The following LEKR1 variants were observed in gnomAD, a reference collection of about 807,000 sequenced individuals.
LEKR1 encodes leucine, glutamate and lysine rich 1, also known as protein LEKR1.
Under a neutral mutation model 72.4 loss-of-function variants are expected in LEKR1, and 59 were observed. The observed-to-expected ratio is 0.82, with a 90% CI of 0.66 to 1.01. The LOEUF (loss-of-function observed/expected upper bound fraction) is 1.01. LEKR1 is among the 50% of genes least tolerant of loss of function. LEKR1 has a pLI of 0.00. For missense variants in LEKR1, 728 were observed against 759.2 expected, an observed-to-expected ratio of 0.96 and a Z score of 0.48; for synonymous variants, 257 against 263.2, an observed-to-expected ratio of 0.98 and a Z score of 0.23.
At chr3:156,891,507 T>C (rs1241243600) in intron 3 of LEKR1, among the ~76,000 whole-genome samples, 1 of 152,192 alleles carries the variant, frequency 6.6e-6, no homozygotes, top group Non-Finnish European at 1.5e-5. Flanking sequence ...TTTTATGATA[T>C]GCAATGGAAG....
At chr3:156,828,258 T>C (rs1427540713) in intron 1 of LEKR1, among the ~76,000 whole-genome samples, 1 of 152,232 alleles carries the variant, frequency 6.6e-6, no homozygotes, top group Admixed American at 6.5e-5. Context: ...ATAATGCCAC[T>C]ATAGGACTTT....
In LEKR1 at chr3:156,920,605, TCAA is replaced by T; in HGVS notation, c.298_300del (p.Gln100del). ...ACGATGTAGGCATGCAGTTAAAAAG[TCAA>T]CAAAATGAATTTCAGAAAGTAAAGA... On this transcript the variant is annotated inframe_deletion, in exon 4 of 13. Coordinates refer to ENST00000356539, the MANE Select transcript of LEKR1 (RefSeq NM_001004316.3). 1 of 1,471,560 alleles carries T rather than the reference TCAA, an allele frequency of 6.8e-7. No individual in the cohort carries two copies. Among genetic ancestry groups the T allele is most frequent in the Non-Finnish European group, 9.1e-7 (1 of 1,095,248 alleles). The allele number at this position is 1,471,560 out of a possible 1,614,324, so 91.2% of individuals were successfully genotyped here. A position where few individuals can be genotyped will look rare whatever the true frequency, so the allele number is the denominator to read the frequency against.
rs751584202 is a variant in LEKR1, at chr3:157,035,075, T to TA, written c.1668+6674dup. Among the ~76,000 whole-genome samples, 17 of 152,376 alleles carry TA rather than the reference T, an allele frequency of 1.1e-4. No individual in the cohort carries two copies. In the East Asian group the frequency reaches 2.9e-3, roughly 26 times the overall value. On this transcript the variant is annotated intron_variant, in intron 12 of 12. Coordinates refer to ENST00000356539, the MANE Select transcript of LEKR1 (RefSeq NM_001004316.3). The stretch of plus-strand genomic sequence containing the variant: ...GGCTCAGATGATTGATAGCATTTTT[T>TA]AGCAGTAAAATATCTTTAAATTAAG...
chr3:156,875,259 G>T (rs985802793), intron 3 of LEKR1, among the ~76,000 whole-genome samples: 3 of 152,064 alleles, frequency 2.0e-5, no homozygotes, highest in African/African-American at 7.2e-5. Context: ...TTGTGATTTT[G>T]TGTTTCCCTG....
chr3:156,852,729 A>C, intron 2 of LEKR1, 39 bp from the exon 3 acceptor site: 4 of 1,098,560 alleles, frequency 3.6e-6, no homozygotes, highest in Non-Finnish European at 3.7e-6. Flanking sequence ...GTTTTTTCAG[A>C]ATTAAAAAAA....
At chr3:156,871,575 A>T (rs538291331) in intron 3 of LEKR1, among the ~76,000 whole-genome samples, 1 of 152,308 alleles carries the variant, frequency 6.6e-6, no homozygotes, top group East Asian at 1.9e-4. Flanking sequence ...TCCCACCAAC[A>T]GTGTAAAAGT....
At chr3:156,932,439 G>A (rs1408098004) in intron 5 of LEKR1, among the ~76,000 whole-genome samples, 2 of 152,084 alleles carry the variant, frequency 1.3e-5, no homozygotes, top group Non-Finnish European at 2.9e-5. Context: ...ATCTATATTA[G>A]GCCATGTGTG....
chr3:156,864,566 G>A (rs1234878756), intron 3 of LEKR1, among the ~76,000 whole-genome samples: 1 of 151,810 alleles, frequency 6.6e-6, no homozygotes, highest in African/African-American at 2.4e-5. Context: ...TAAATTACCT[G>A]GACTTACTGC....
At chr3:157,027,406 G>A (rs1011428108) in intron 11 of LEKR1, among the ~76,000 whole-genome samples, 2 of 152,254 alleles carry the variant, frequency 1.3e-5, no homozygotes, top group East Asian at 1.9e-4. Flanking sequence ...TATTGGTACA[G>A]TTAGGGTAAA....
intron 7 of LEKR1, among the ~76,000 whole-genome samples, chr3:156,981,806 A>C (rs1730230606): frequency 6.6e-6 from 1 of 152,230 alleles, no homozygotes; most frequent in Non-Finnish European, 1.5e-5. Context: ...TCATTCAAAA[A>C]ATTTGATATA....
At chr3:156,914,796 C>A (rs75628901) in intron 3 of LEKR1, among the ~76,000 whole-genome samples, 1 of 151,876 alleles carries the variant, frequency 6.6e-6, no homozygotes, top group African/African-American at 2.4e-5. Context: ...TTTAAAATTA[C>A]GCTTTTATTT....
At chr3:156,869,927 A>C (rs1717732394) in intron 3 of LEKR1, among the ~76,000 whole-genome samples, 1 of 151,958 alleles carries the variant, frequency 6.6e-6, no homozygotes, top group South Asian at 2.1e-4. Flanking sequence ...GGATGTGGAT[A>C]CCCAATTTTC....
intron 6 of LEKR1, among the ~76,000 whole-genome samples, chr3:156,968,065 A>C (rs556084298): frequency 0.032 from 4,818 of 152,246 alleles, 117 homozygotes; most frequent in Non-Finnish European, 0.047. Flanking sequence ...CTTTACAGAC[A>C]AGCAAATGCT....
At chr3:156,957,284 G>A (rs1361672985) in intron 6 of LEKR1, among the ~76,000 whole-genome samples, 1 of 151,940 alleles carries the variant, frequency 6.6e-6, no homozygotes, top group Non-Finnish European at 1.5e-5. Context: ...ATGTTACAGT[G>A]TAAAAAGAAT....
chr3:157,024,196 A>C (rs1734038417), intron 10 of LEKR1, among the ~76,000 whole-genome samples: 1 of 152,146 alleles, frequency 6.6e-6, no homozygotes, highest in African/African-American at 2.4e-5. Context: ...AAAATCGAAA[A>C]ATCATAAGTC....
rs1358283030 is a variant in LEKR1, at chr3:157,028,110, A to G, written c.1376A>G (p.Asp459Gly). ...ATGAGATTTATCTTACAGATATCTGACTTAATCACAGGCGCTACAAGAGAT... is the reference window on the plus strand; with the variant it reads ...ATGAGATTTATCTTACAGATATCTGGCTTAATCACAGGCGCTACAAGAGAT... The part of the protein sequence containing the change: ...EQEELQMKIS[D>G]LITGATRDLR... Residue 459 changes from aspartate to glycine, a missense_variant, in exon 12 of 13, where the codon GAC becomes GGC. Physicochemically the swap from Asp to Gly is moderately conservative, Grantham distance 94. Coordinates refer to ENST00000356539, the MANE Select transcript of LEKR1 (RefSeq NM_001004316.3). 6.4e-7 allele frequency: 1 copy of G among 1,570,006 alleles called. No individual in the cohort carries two copies. Among genetic ancestry groups the G allele is most frequent in the Admixed American group, 1.9e-5 (1 of 52,642 alleles).
chr3:156,832,745 G>T (rs979592368), intron 2 of LEKR1, among the ~76,000 whole-genome samples: 3 of 152,070 alleles, frequency 2.0e-5, no homozygotes, highest in African/African-American at 7.2e-5. Flanking sequence ...TTTACTACGG[G>T]TTAGGAGCCC....
At chr3:156,839,207 G>A (rs1241469491) in intron 2 of LEKR1, among the ~76,000 whole-genome samples, 1 of 152,186 alleles carries the variant, frequency 6.6e-6, no homozygotes, top group Non-Finnish European at 1.5e-5. Flanking sequence ...TCAGGTGTTA[G>A]TCTTTTGGTT....
chr3:157,021,292 C>A (rs1164371424), intron 10 of LEKR1, among the ~76,000 whole-genome samples: 1 of 151,750 alleles, frequency 6.6e-6, no homozygotes, highest in Non-Finnish European at 1.5e-5. Context: ...AATTAGATCC[C>A]ATTTGTCAAT....
Sources: allele counts gnomAD v4.1 joint callset (sites outside exome capture counted in the v4.1 genomes callset), GRCh38; gene constraint gnomAD v4.1.1; transcripts MANE v1.5; gene names NCBI Gene and HGNC (gene_info 2026-07-23, HGNC 2026-07-21).